ARHGAP8: variants seen among roughly 807,000 people sequenced by gnomAD.
ARHGAP8 encodes the protein Rho GTPase activating protein 8.
A neutral mutation model predicts 46.1 loss-of-function variants in ARHGAP8; 62 were observed. That is an observed-to-expected ratio of 1.34 (90% confidence interval 1.10 to 1.66). The LOEUF is 1.66. ARHGAP8 is among the 40% of genes most tolerant of loss of function. The pLI is 0.00. For synonymous variants in ARHGAP8, 375 were observed against 243.1 expected, an observed-to-expected ratio of 1.54 and a Z score of -5.05; for missense variants, 923 against 568.4, an observed-to-expected ratio of 1.62 and a Z score of -6.34.
chr22:44,811,059 C>T (rs774276084), intron 4 of ARHGAP8, among the ~76,000 whole-genome samples: 11 of 152,218 alleles, frequency 7.2e-5, no homozygotes, highest in Admixed American at 1.3e-4. Flanking sequence ...GCAGCTCCCC[C>T]ACTTCTCAGT....
At chr22:44,843,600 A>C (rs1931789022) in intron 7 of ARHGAP8, among the ~76,000 whole-genome samples, 1 of 152,168 alleles carries the variant, frequency 6.6e-6, no homozygotes, top group African/African-American at 2.4e-5. Flanking sequence ...AGGCCAAGGC[A>C]GGTGGATTGC....
At chr22:44,851,041 G>A (rs1355626799) in intron 10 of ARHGAP8, 1 of 151,122 alleles carries the variant, frequency 6.6e-6, no homozygotes, top group African/African-American at 2.4e-5. Context: ...ACCACCCAGA[G>A]CTATGTCAAG....
chr22:44,834,953 A>G (rs150768596), intron 7 of ARHGAP8, among the ~76,000 whole-genome samples: 25 of 152,200 alleles, frequency 1.6e-4, no homozygotes, highest in African/African-American at 3.9e-4. Flanking sequence ...TGCATGGTGT[A>G]TCTTTGTTCA....
chr22:44,829,399 T>C (rs990978062), intron 7 of ARHGAP8, among the ~76,000 whole-genome samples: 4 of 152,198 alleles, frequency 2.6e-5, no homozygotes, highest in African/African-American at 9.7e-5. Flanking sequence ...GCTGTAGGCC[T>C]CTCGGCTCCT....
intron 10 of ARHGAP8, 154 bp from the exon 11 acceptor site, chr22:44,859,577 T>C (rs1161133670): frequency 2.8e-6 from 2 of 726,484 alleles, no homozygotes; most frequent in East Asian, 2.7e-5. Context: ...AGCAGAGCCA[T>C]ACGGCCAGAA....
At chr22:44,849,186 C>G in intron 10 of ARHGAP8, 126 bp downstream of exon 10, 1 of 1,528,408 alleles carries the variant, frequency 6.5e-7, no homozygotes, top group South Asian at 1.2e-5. Flanking sequence ...CTGTTGCCAT[C>G]TGGCACTGCA....
intron 4 of ARHGAP8, 37 bp from the exon 5 acceptor site, chr22:44,814,635 G>A (rs561041014): frequency 2.3e-5 from 36 of 1,594,056 alleles, no homozygotes; most frequent in East Asian, 1.1e-4. Flanking sequence ...TTCTCGGAGC[G>A]CGGCAGCCTG....
chr22:44,767,777 G>T (rs1173747606), intron 1 of ARHGAP8, among the ~76,000 whole-genome samples: 1 of 150,642 alleles, frequency 6.6e-6, no homozygotes, highest in Admixed American at 6.6e-5. Flanking sequence ...GGAGGCTGAG[G>T]CAGGAGAATC....
At chr22:44,815,070 C>T (rs1929640397) in intron 5 of ARHGAP8, among the ~76,000 whole-genome samples, 1 of 152,180 alleles carries the variant, frequency 6.6e-6, no homozygotes, top group African/African-American at 2.4e-5. Flanking sequence ...TCACAGATGT[C>T]AGGAAAGCTG....
chr22:44,799,065 C>G (rs777097603), intron 2 of ARHGAP8, among the ~76,000 whole-genome samples: 2 of 152,222 alleles, frequency 1.3e-5, no homozygotes, highest in Non-Finnish European at 2.9e-5. Flanking sequence ...CATCCCCAGC[C>G]CCCACCTGGG....
chr22:44,774,748 C>A (rs1926296356), intron 1 of ARHGAP8, among the ~76,000 whole-genome samples: 1 of 151,948 alleles, frequency 6.6e-6, no homozygotes, highest in Non-Finnish European at 1.5e-5. Context: ...TCTCAAACTC[C>A]TGACCTCAGG....
At chr22:44,835,712 A>G (rs1279823581) in intron 7 of ARHGAP8, among the ~76,000 whole-genome samples, 1 of 152,196 alleles carries the variant, frequency 6.6e-6, no homozygotes, top group Non-Finnish European at 1.5e-5. Flanking sequence ...CTTCTTTGCC[A>G]CTGGAAGAAA....
chr22:44,814,040 C>T (rs1321798722), intron 4 of ARHGAP8, among the ~76,000 whole-genome samples: 1 of 152,176 alleles, frequency 6.6e-6, no homozygotes, highest in Non-Finnish European at 1.5e-5. Flanking sequence ...CCCTCTAGAG[C>T]CCTGGCATGT....
At position 44,862,507 on chromosome 22, in the gene ARHGAP8, AG is replaced by A; in HGVS notation, c.1216del (p.Glu406ArgfsTer21). On this transcript the variant is annotated frameshift_variant, in exon 12 of 12. Coordinates refer to ENST00000356099, the MANE Select transcript of ARHGAP8 (RefSeq NM_181335.3). LOFTEE classifies it low-confidence loss of function (END_TRUNC). ...WEQGSRAAPL[Q>X]EAVPRTQATG... ...CAGGGGAGCAGGGCAGCCCCTTTGCAGGAGGCTGTGCCACGGACACAAGCCA... is the reference window on the plus strand; with the variant it reads ...CAGGGGAGCAGGGCAGCCCCTTTGCAGAGGCTGTGCCACGGACACAAGCCA... The A allele has an allele frequency of 6.2e-7, 1 of 1,613,316 alleles. No homozygotes were observed. The highest frequency in any genetic ancestry group is 1.1e-5 in the South Asian group (1 of 91,046).
At chr22:44,860,200 C>T (rs544045903) in intron 11 of ARHGAP8, among the ~76,000 whole-genome samples, 7 of 145,808 alleles carry the variant, frequency 4.8e-5, no homozygotes, top group Non-Finnish European at 7.6e-5. Flanking sequence ...GTGGACTGAG[C>T]TGACCATTCC....
At chr22:44,755,166 T>C (rs6007277) in intron 1 of ARHGAP8, among the ~76,000 whole-genome samples, 33,527 of 152,090 alleles carry the variant, frequency 0.22, 4,098 homozygotes, top group South Asian at 0.46. Context: ...ACAAGGAAGG[T>C]TAAGGTCCCA....
At chr22:44,858,321 A>G (rs1233811029) in intron 10 of ARHGAP8, among the ~76,000 whole-genome samples, 2 of 151,400 alleles carry the variant, frequency 1.3e-5, no homozygotes, top group Non-Finnish European at 2.9e-5. Flanking sequence ...ACATGTTCAC[A>G]CATGCACCCG....
chr22:44,829,692 G>A (rs6007312), intron 7 of ARHGAP8, among the ~76,000 whole-genome samples: 3,598 of 152,148 alleles, frequency 0.024, 148 homozygotes, highest in African/African-American at 0.082. Context: ...CATTTTAAAG[G>A]AAGCACTAGA....
chr22:44,841,376 C>G (rs1602251956), intron 7 of ARHGAP8, among the ~76,000 whole-genome samples: 2 of 152,292 alleles, frequency 1.3e-5, no homozygotes, highest in African/African-American at 4.8e-5. Context: ...CCCTGGGAGG[C>G]AGGTGCTAGT....
Sources: gnomAD v4.1 joint callset for allele counts (sites outside exome capture counted in the v4.1 genomes callset) on GRCh38, gnomAD v4.1.1 for gene constraint, MANE v1.5 for transcripts, NCBI Gene and HGNC (gene_info 2026-07-23, HGNC 2026-07-21) for gene names.